The following SMG6 variants were observed in gnomAD, a reference collection of about 807,000 sequenced individuals.
SMG6 encodes SMG6 nonsense mediated mRNA decay factor.
SMG6 carries 66 observed loss-of-function variants against 142.2 expected under a neutral mutation model. The observed-to-expected ratio is 0.46, with a 90% CI of 0.38 to 0.57. SMG6 has a LOEUF of 0.57. Among genes scored for constraint, SMG6 ranks in the 20% least tolerant of loss-of-function variants. The pLI, the probability that SMG6 is intolerant of heterozygous loss-of-function variation, is 0.00. For missense variants in SMG6, 1,793 were observed against 1,832.0 expected, an observed-to-expected ratio of 0.98 and a Z score of 0.39; for synonymous variants, 779 against 702.4, an observed-to-expected ratio of 1.11 and a Z score of -1.72.
intron 13 of SMG6, among the ~76,000 whole-genome samples, chr17:2,086,296 T>C (rs2068559979): frequency 6.6e-6 from 1 of 152,068 alleles, no homozygotes; most frequent in Non-Finnish European, 1.5e-5. Flanking sequence ...CTGGGGCCCC[T>C]CGCTGCCACT....
chr17:2,217,893 C>A (rs1260664394), intron 10 of SMG6, among the ~76,000 whole-genome samples: 3 of 151,746 alleles, frequency 2.0e-5, no homozygotes, highest in Non-Finnish European at 4.4e-5. Context: ...ACCTGTAGTC[C>A]CAGCTACTCG....
chr17:2,085,730 C>T lies in SMG6; in HGVS notation c.3529G>A (p.Asp1177Asn). 2 of 1,613,152 alleles carry T rather than the reference C, an allele frequency of 1.2e-6. No individual in the cohort carries two copies. The highest frequency in any genetic ancestry group is 2.2e-5 in the South Asian group (2 of 90,986). ...MGSQEGTRLE[D>N]EEEDVVIEDF... ...GGGCTCTTCCCGCATAGTACCTCAT[C>T]TTCCAGTCGTGTTCCCTCTTGGCTT... Residue 1177 changes from aspartate (D) to asparagine (N), a missense_variant, in exon 14 of 19, where the codon GAT becomes AAT. This residue lies in a region of SMG6 where 1,597 missense variants were observed against 1,584.6 expected (regional missense o/e 1.01). Transcript: ENST00000263073. The surrounding 1 kb of genome is among the most constrained non-coding windows in gnomAD (Gnocchi z 4.1).
chr17:2,117,097 ATTTT>A (rs11371517), intron 13 of SMG6, among the ~76,000 whole-genome samples: 1 of 145,502 alleles, frequency 6.9e-6, no homozygotes, highest in Admixed American at 6.9e-5. Flanking sequence ...TGGCTTTTAA[ATTTT>A]TTTTTTTTTT....
At chr17:2,284,451 A>T in intron 6 of SMG6, among the ~76,000 whole-genome samples, 1 of 152,234 alleles carries the variant, frequency 6.6e-6, no homozygotes. Context: ...GGAAAAGAAG[A>T]AGTAAAGAAA....
chr17:2,267,635 T>C (rs2074450173), intron 8 of SMG6, among the ~76,000 whole-genome samples: 1 of 152,180 alleles, frequency 6.6e-6, no homozygotes, highest in African/African-American at 2.4e-5. Context: ...GAGACTCAAC[T>C]ATTCTTTATC....
Position 2,280,543 on chromosome 17 carries a change from G to A in SMG6, c.2661+2104C>T, listed in dbSNP as rs560629329. On this transcript the variant is annotated intron_variant, in intron 8 of 18. Transcript: ENST00000263073. ...CTCCTAAAGTGCTGGGATTACAGGC[G>A]TAAGCCACCGCGTCAGGCCAGAAAC... 24 of 973,200 alleles carry A rather than the reference G, an allele frequency of 2.5e-5. No homozygotes were observed. The Admixed American group carries it at 6.1e-4, about 25-fold the overall frequency. The allele number at this position is 973,200 out of a possible 1,614,324, so 60.3% of individuals were successfully genotyped here.
chr17:2,298,121 G>C, intron 2 of SMG6, 66 bp from the exon 3 acceptor site: 2 of 1,460,538 alleles, frequency 1.4e-6, no homozygotes, highest in Middle Eastern at 2.3e-4. Context: ...CTCAAGTTTT[G>C]AGATTCCTGC....
chr17:2,114,033 C>T (rs1486258843), intron 13 of SMG6, among the ~76,000 whole-genome samples: 5 of 152,106 alleles, frequency 3.3e-5, no homozygotes, highest in African/African-American at 9.6e-5. Flanking sequence ...TTTGGGAGGC[C>T]GAGGCAGGCG....
intron 13 of SMG6, among the ~76,000 whole-genome samples, chr17:2,106,112 C>T (rs2069148527): frequency 1.3e-5 from 2 of 152,188 alleles, no homozygotes; most frequent in African/African-American, 2.4e-5. Flanking sequence ...TAATAGTTTA[C>T]TTCTCAGTGG....
chr17:2,301,922 A>G lies in SMG6; in HGVS notation c.89-1258T>C, dbSNP rs184535644. 3.9e-5 allele frequency among the ~76,000 whole-genome samples: 6 copies of G among 152,286 alleles called. No individual in the cohort carries two copies. The South Asian group carries it at 8.3e-4, about 21-fold the overall frequency. On this transcript the variant is annotated intron_variant, in intron 1 of 18. Transcript: ENST00000263073. ...CAATGGAAAAGTGACAGAATTCGGG[A>G]GAATATTATCAAGTACACAAATGGA... is the stretch of plus-strand genomic sequence containing the variant.
chr17:2,079,497 G>C (rs907523750), intron 15 of SMG6, among the ~76,000 whole-genome samples: 1 of 151,754 alleles, frequency 6.6e-6, no homozygotes, highest in South Asian at 2.1e-4. Context: ...TTAGCTGGGC[G>C]TGGTGGTGCA....
rs551379020 is a variant in SMG6, at chr17:2,091,573, G to A, written c.3358-5672C>T. Among the ~76,000 whole-genome samples the A allele has an allele frequency of 2.0e-5, 3 of 152,022 alleles. No homozygotes were observed. In the South Asian group the frequency reaches 6.3e-4, roughly 32 times the overall value. On this transcript the variant is annotated intron_variant, in intron 13 of 18. Transcript: ENST00000263073. ...CAACCTCGGAGCATACTGTCCAAGG[G>A]ATCAATTCAAACAGTATTTCACTCT...
In SMG6 at chr17:2,081,841, G is replaced by A. The variant is rs776367805; in HGVS notation, c.3650C>T (p.Ala1217Val). ...CTTTTCCTGGCGACGCTGCTGCTCA[G>A]CTATCTTCCTGGCCAGAGCCAGCTT... is the stretch of plus-strand genomic sequence containing the variant. ...AKKLALARKI[A>V]EQQRRQEKIQ... Residue 1217 changes from alanine (A) to valine (V), a missense_variant, in exon 15 of 19, where the codon GCT becomes GTT. Transcript: ENST00000263073. 8.7e-6 allele frequency: 14 copies of A among 1,613,768 alleles called. No individual in the cohort carries two copies. Among genetic ancestry groups the A allele is most frequent in the Non-Finnish European group, 1.2e-5 (14 of 1,180,036 alleles).
chr17:2,063,729 G>A (rs1362680067), intron 18 of SMG6, among the ~76,000 whole-genome samples: 1 of 152,230 alleles, frequency 6.6e-6, no homozygotes, highest in Non-Finnish European at 1.5e-5. Flanking sequence ...GAGTTTGGAG[G>A]ATTTGGGAGG....
In SMG6 at chr17:2,059,896, G is replaced by C. The variant is rs559496702; in HGVS notation, c.*1596C>G. 1 of 158,328 alleles carries C rather than the reference G, an allele frequency of 6.3e-6. No individual in the cohort carries two copies. Among genetic ancestry groups the C allele is most frequent in the East Asian group, 1.9e-4 (1 of 5,190 alleles). The allele number at this position is 158,328 out of a possible 1,614,324, so 9.8% of individuals were successfully genotyped here. A position where few individuals can be genotyped will look rare whatever the true frequency, so the allele number is the denominator to read the frequency against. Reference sequence around the variant, plus strand: ...GAAACAAAACCAGTGCTGCAAACGGGACAGAAAGGAGAGCTGGGTCTCCCT... The same window carrying C: ...GAAACAAAACCAGTGCTGCAAACGGCACAGAAAGGAGAGCTGGGTCTCCCT... On this transcript the variant is annotated 3_prime_UTR_variant, in exon 19 of 19. Coordinates refer to ENST00000263073, the MANE Select transcript of SMG6 (RefSeq NM_017575.5).
At chr17:2,136,246 A>C (rs777893928) in intron 13 of SMG6, among the ~76,000 whole-genome samples, 1 of 151,514 alleles carries the variant, frequency 6.6e-6, no homozygotes, top group Non-Finnish European at 1.5e-5. Flanking sequence ...TTTTTAGCAT[A>C]GACGGGGTTT....
intron 1 of SMG6, among the ~76,000 whole-genome samples, chr17:2,302,823 T>C (rs1249491222): frequency 2.0e-5 from 3 of 150,364 alleles, no homozygotes; most frequent in African/African-American, 7.3e-5. Context: ...GGCGGGGGGA[T>C]GGGGAAAGCT....
chr17:2,167,222 A>G, intron 13 of SMG6, among the ~76,000 whole-genome samples: 1 of 151,970 alleles, frequency 6.6e-6, no homozygotes, highest in East Asian at 1.9e-4. Flanking sequence ...ATGTAAGAGA[A>G]CAAATAATGC....
At position 2,237,421 on chromosome 17, in the gene SMG6, T is replaced by C. The variant is rs981455721; in HGVS notation, c.2724-784A>G. ...TAGGTAACCAGACATAGTTCTGCTA[T>C]TGTCTTCTGAGGTACTATCACACTG... On this transcript the variant is annotated intron_variant, in intron 9 of 18. Transcript: ENST00000263073. 12 of 698,724 alleles carry C rather than the reference T, an allele frequency of 1.7e-5. No individual in the cohort carries two copies. In the African/African-American group the frequency reaches 1.9e-4, roughly 11 times the overall value. 43.3% of individuals were successfully genotyped at this position (698,724 alleles called of 1,614,324 possible).
Sources: allele counts gnomAD v4.1 joint callset (sites outside exome capture counted in the v4.1 genomes callset), GRCh38; gene constraint gnomAD v4.1.1; regional missense constraint gnomAD v4.1.1; non-coding constraint Gnocchi (gnomAD v3.1); transcripts MANE v1.5; gene names NCBI Gene and HGNC (gene_info 2026-07-23, HGNC 2026-07-21).